AUH: variants seen among roughly 807,000 people sequenced by gnomAD.
AUH encodes methylglutaconyl-CoA hydratase, mitochondrial.
AUH carries 29 observed loss-of-function variants against 42.3 expected under a neutral mutation model. The observed-to-expected ratio is 0.69, with a 90% CI of 0.51 to 0.93. The LOEUF is 0.93. Ranked by LOEUF, AUH falls within the 40% of genes least tolerant of loss-of-function variation. AUH has a pLI of 0.00. For missense variants in AUH, 452 were observed against 438.1 expected, an observed-to-expected ratio of 1.03 and a Z score of -0.28; for synonymous variants, 174 against 166.4, an observed-to-expected ratio of 1.05 and a Z score of -0.35.
chr9:91,278,398 C>T (rs1825713506), intron 6 of AUH, among the ~76,000 whole-genome samples: 2 of 152,190 alleles, frequency 1.3e-5, no homozygotes, highest in African/African-American at 4.8e-5. Context: ...ATCTCTTCCA[C>T]AATCTTGACA....
intron 6 of AUH, among the ~76,000 whole-genome samples, chr9:91,239,982 A>C (rs186555314): frequency 1.3e-5 from 2 of 152,362 alleles, no homozygotes; most frequent in East Asian, 3.9e-4. Flanking sequence ...TTTGTGATAC[A>C]GCTTTCATTA....
intron 4 of AUH, among the ~76,000 whole-genome samples, chr9:91,307,158 T>C (rs575993497): frequency 1.3e-5 from 2 of 152,274 alleles, no homozygotes; most frequent in South Asian, 4.1e-4. Context: ...ATATTCATTA[T>C]CTTGATTGTG....
chr9:91,269,574 A>G (rs537105358), intron 6 of AUH, among the ~76,000 whole-genome samples: 60 of 152,362 alleles, frequency 3.9e-4, no homozygotes, highest in Middle Eastern at 3.4e-3. Flanking sequence ...CTTTAATGAG[A>G]AAAGTACATT....
intron 6 of AUH, among the ~76,000 whole-genome samples, chr9:91,294,420 C>T (rs1362177966): frequency 6.6e-6 from 1 of 152,148 alleles, no homozygotes; most frequent in Admixed American, 6.5e-5. Flanking sequence ...CGGTGGTGTG[C>T]ACCTGTAGTC....
chr9:91,346,913 A>G (rs1831554334), intron 3 of AUH, among the ~76,000 whole-genome samples: 1 of 152,174 alleles, frequency 6.6e-6, no homozygotes, highest in African/African-American at 2.4e-5. Context: ...GAACAGACCA[A>G]TGGAACAGAT....
At chr9:91,312,956 T>C (rs974512318) in intron 4 of AUH, among the ~76,000 whole-genome samples, 3 of 152,126 alleles carry the variant, frequency 2.0e-5, no homozygotes, top group African/African-American at 7.2e-5. Context: ...CAAAATAGAA[T>C]AAAAGTTCCC....
intron 1 of AUH, among the ~76,000 whole-genome samples, chr9:91,360,783 C>T: frequency 6.6e-6 from 1 of 152,228 alleles, no homozygotes; most frequent in African/African-American, 2.4e-5. Context: ...ACGCTTTTCA[C>T]TTCTGCTTAA....
intron 6 of AUH, among the ~76,000 whole-genome samples, chr9:91,248,274 A>C (rs1828907690): frequency 6.6e-6 from 1 of 152,240 alleles, no homozygotes; most frequent in Non-Finnish European, 1.5e-5. Context: ...TTCCTTGATT[A>C]ACTGCCTTTG....
chr9:91,343,749 A>C (rs1352378261), intron 3 of AUH, among the ~76,000 whole-genome samples: 1 of 152,214 alleles, frequency 6.6e-6, no homozygotes, highest in Non-Finnish European at 1.5e-5. Flanking sequence ...ATAAATAAAT[A>C]ATCAATCAGA....
chr9:91,344,971 G>A (rs1185395395), intron 3 of AUH, among the ~76,000 whole-genome samples: 3 of 151,104 alleles, frequency 2.0e-5, no homozygotes, highest in African/African-American at 7.3e-5. Flanking sequence ...CTTAATAGAT[G>A]CCAAAAAGAG....
At chr9:91,359,042 T>G (rs1832653203) in intron 1 of AUH, among the ~76,000 whole-genome samples, 1 of 152,198 alleles carries the variant, frequency 6.6e-6, no homozygotes, top group South Asian at 2.1e-4. Flanking sequence ...TCAGAAAAGC[T>G]TAGGCGTTCA....
At chr9:91,241,432 C>T (rs1236135979) in intron 6 of AUH, among the ~76,000 whole-genome samples, 1 of 152,002 alleles carries the variant, frequency 6.6e-6, no homozygotes, top group Non-Finnish European at 1.5e-5. Context: ...GATTTAAAGT[C>T]ATATTAGTAT....
chr9:91,253,727 C>T (rs1230252799), intron 6 of AUH, among the ~76,000 whole-genome samples: 1 of 152,176 alleles, frequency 6.6e-6, no homozygotes, highest in East Asian at 1.9e-4. Context: ...TTCTGTACCC[C>T]CTTGTGGGGC....
chr9:91,231,274 G>A (rs550689382), intron 6 of AUH, among the ~76,000 whole-genome samples: 8 of 152,276 alleles, frequency 5.3e-5, no homozygotes, highest in South Asian at 2.1e-4. Context: ...TAAGCCCGTC[G>A]GAAAAGCGCA....
intron 6 of AUH, among the ~76,000 whole-genome samples, chr9:91,287,116 T>C (rs1826476716): frequency 6.6e-6 from 1 of 152,116 alleles, no homozygotes; most frequent in Non-Finnish European, 1.5e-5. Flanking sequence ...GTAAGTATCA[T>C]GTTTCAGGTT....
intron 6 of AUH, among the ~76,000 whole-genome samples, chr9:91,285,939 T>G (rs559081979): frequency 1.3e-5 from 2 of 152,194 alleles, no homozygotes; most frequent in Non-Finnish European, 2.9e-5. Context: ...ACTCTGTTCT[T>G]TCTTCACATC....
At chr9:91,251,346 C>T (rs1345144121) in intron 6 of AUH, among the ~76,000 whole-genome samples, 1 of 152,194 alleles carries the variant, frequency 6.6e-6, no homozygotes, top group Non-Finnish European at 1.5e-5. Flanking sequence ...GAAGTTTCAC[C>T]TCCTCTCACA....
At chr9:91,261,241 T>C (rs1772508082) in intron 6 of AUH, among the ~76,000 whole-genome samples, 1 of 152,220 alleles carries the variant, frequency 6.6e-6, no homozygotes, top group Non-Finnish European at 1.5e-5. Context: ...GCATATTGAA[T>C]GATGTACCAA....
At chr9:91,231,198 C>T (rs866179857) in intron 6 of AUH, among the ~76,000 whole-genome samples, 5 of 152,224 alleles carry the variant, frequency 3.3e-5, no homozygotes, top group East Asian at 1.9e-4. Context: ...TAGCAATCAG[C>T]GAGACTCCAT....
Sources: gnomAD v4.1 joint callset for allele counts (sites outside exome capture counted in the v4.1 genomes callset) on GRCh38, gnomAD v4.1.1 for gene constraint, MANE v1.5 for transcripts, NCBI Gene and HGNC (gene_info 2026-07-23, HGNC 2026-07-21) for gene names.